The following LSP1 variants were observed in gnomAD, a reference collection of about 807,000 sequenced individuals.
The protein encoded by LSP1 is lymphocyte specific protein 1, also known as lymphocyte-specific protein 1.
In LSP1, 32 loss-of-function variants were observed where a neutral mutation model predicts 49.3. That is an observed-to-expected ratio of 0.65 (90% CI 0.49 to 0.87). The LOEUF (loss-of-function observed/expected upper bound fraction) is 0.87, where lower values mean the gene tolerates loss of function less well. Among genes scored for constraint, LSP1 ranks in the 40% least tolerant of loss-of-function variants. The pLI is 0.00. For synonymous variants in LSP1, 179 were observed against 178.8 expected (o/e 1.00, Z -0.01); for missense variants, 428 against 442.6 (o/e 0.97, Z 0.30).
At position 1,866,663 on chromosome 11, in the gene LSP1, A is replaced by T. The variant is rs1471227409; in HGVS notation, c.54-13424A>T. ...CTGGTCAGACCTCCCTCCCTGCCCAACGGGAATGTGTTTTCCCAGGGGACG... is the reference window on the plus strand; with the variant it reads ...CTGGTCAGACCTCCCTCCCTGCCCATCGGGAATGTGTTTTCCCAGGGGACG... On this transcript the variant is annotated intron_variant, in intron 1 of 10. Transcript: ENST00000311604. 2.5e-5 allele frequency: 39 copies of T among 1,550,424 alleles called. No homozygotes were observed. The South Asian group carries it at 3.8e-4, about 15-fold the overall frequency.
chr11:1,877,773 C>A (rs1486577867), intron 1 of LSP1, among the ~76,000 whole-genome samples: 2 of 152,336 alleles, frequency 1.3e-5, no homozygotes, highest in Middle Eastern at 3.4e-3. Flanking sequence ...GGAGCGTGGG[C>A]TCGTGGAGAA....
intron 10 of LSP1, chr11:1,889,003 G>T: frequency 1.8e-6 from 1 of 551,356 alleles, no homozygotes; most frequent in South Asian, 2.3e-5. Context: ...CACCCCATGT[G>T]CCCTTCCCAG....
At chr11:1,855,105 A>G (rs564816633) in intron 1 of LSP1, among the ~76,000 whole-genome samples, 1 of 152,240 alleles carries the variant, frequency 6.6e-6, no homozygotes, top group African/African-American at 2.4e-5. Flanking sequence ...CTCCTTGGAC[A>G]TCCCCTGCCC....
chr11:1,868,946 C>A (rs1174870450), intron 1 of LSP1: 2 of 985,974 alleles, frequency 2.0e-6, no homozygotes, highest in African/African-American at 1.7e-5. Flanking sequence ...GGGAGCATGG[C>A]CCCGGGGACT....
At chr11:1,880,954 C>A (rs1848511368) in intron 2 of LSP1, 1 of 158,838 alleles carries the variant, frequency 6.3e-6, no homozygotes, top group Non-Finnish European at 1.4e-5. Context: ...GAGCCACAGG[C>A]TGACGGGGGA....
At chr11:1,869,407 TGA>T (rs1303483148) in intron 1 of LSP1, among the ~76,000 whole-genome samples, 1 of 151,276 alleles carries the variant, frequency 6.6e-6, no homozygotes, top group African/African-American at 2.4e-5. Flanking sequence ...GGAAAAATGC[TGA>T]GAGGGAGGGA....
chr11:1,889,355 C>T lies in LSP1; in HGVS notation c.*13+1779C>T, dbSNP rs566135571. 9.4e-4 allele frequency: 672 copies of T among 712,654 alleles called. 5 individuals are homozygous for T. In the Middle Eastern group the frequency reaches 9.7e-3, roughly 10 times the overall value. 44.1% of individuals were successfully genotyped at this position (712,654 alleles called of 1,614,324 possible). ...CTGCCAGGCGCCCTTGGGCCTCCGC[C>T]ACTGACATGCGGTACAGCACGGCAT... On this transcript the variant is annotated intron_variant, in intron 10 of 10. Coordinates refer to ENST00000311604, the MANE Select transcript of LSP1 (RefSeq NM_002339.3).
At chr11:1,887,030 G>A (rs1173172828) in intron 8 of LSP1, among the ~76,000 whole-genome samples, 164 bp downstream of exon 8, 1 of 152,254 alleles carries the variant, frequency 6.6e-6, no homozygotes, top group Non-Finnish European at 1.5e-5. Flanking sequence ...CCTTGCTGGT[G>A]TAGAAGGCTG....
chr11:1,876,619 G>C lies in LSP1; in HGVS notation c.54-3468G>C, dbSNP rs1848321452. 3 of 985,440 alleles carry C rather than the reference G, an allele frequency of 3.0e-6. No homozygotes were observed. In the South Asian group the frequency reaches 1.4e-4, roughly 46 times the overall value. 61.0% of individuals were successfully genotyped at this position (985,440 alleles called of 1,614,324 possible). A position where few individuals can be genotyped will look rare whatever the true frequency, so the allele number is the denominator to read the frequency against. On this transcript the variant is annotated intron_variant, in intron 1 of 10. Coordinates refer to ENST00000311604, the MANE Select transcript of LSP1 (RefSeq NM_002339.3). Reference sequence around the variant, plus strand: ...GGGGACCGAGCCGGACACCCATTCTGCAAGTGTCTGCAGGGGGAGGACGGA... The same window carrying C: ...GGGGACCGAGCCGGACACCCATTCTCCAAGTGTCTGCAGGGGGAGGACGGA...
At chr11:1,867,020 G>A in intron 1 of LSP1, 1 of 1,151,116 alleles carries the variant, frequency 8.7e-7, no homozygotes, top group Non-Finnish European at 1.2e-6. Context: ...CCAGGCTCAG[G>A]GCCAGTCCCT....
At position 1,883,631 on chromosome 11, in the gene LSP1, C is replaced by A. The variant is rs532521432; in HGVS notation, c.498+71C>A. The A allele has an allele frequency of 2.0e-6, 3 of 1,524,782 alleles. No individual in the cohort carries two copies. In the South Asian group the frequency reaches 3.6e-5, roughly 19 times the overall value. The allele number at this position is 1,524,782 out of a possible 1,614,324, so 94.5% of individuals were successfully genotyped here. ...GATGAGTCTGCCTTGGCTGTCTGCA[C>A]CACTCTGTGGGCCCTGTGGGTCTAG... On this transcript the variant is annotated intron_variant, in intron 4 of 10. Coordinates refer to ENST00000311604, the MANE Select transcript of LSP1 (RefSeq NM_002339.3).
chr11:1,891,707 G>A (rs1281368257), intron 10 of LSP1, 66 bp from the exon 11 acceptor site: 5 of 152,720 alleles, frequency 3.3e-5, no homozygotes, highest in African/African-American at 9.7e-5. Flanking sequence ...GCTTGCAGGA[G>A]GCAGGTCTGT....
intron 1 of LSP1, among the ~76,000 whole-genome samples, chr11:1,864,497 A>C (rs1847725000): frequency 6.6e-6 from 1 of 151,790 alleles, no homozygotes. Context: ...GAGGGAGGGA[A>C]GGAGGCAGCC....
At chr11:1,879,617 C>T (rs543610456) in intron 1 of LSP1, among the ~76,000 whole-genome samples, 46 of 152,318 alleles carry the variant, frequency 3.0e-4, no homozygotes, top group South Asian at 6.2e-4. Flanking sequence ...AGGGAGCACC[C>T]GCAGGTGGGG....
At chr11:1,889,732 C>G in intron 10 of LSP1, 1 of 656,250 alleles carries the variant, frequency 1.5e-6, no homozygotes, top group Non-Finnish European at 2.8e-6. Context: ...CCCATGGGGA[C>G]CAGGCTGTGC....
intron 1 of LSP1, among the ~76,000 whole-genome samples, chr11:1,874,740 T>C (rs970737631): frequency 6.6e-6 from 1 of 152,080 alleles, no homozygotes; most frequent in Non-Finnish European, 1.5e-5. Context: ...CAGGGGAGGC[T>C]GCAGACGGAG....
intron 10 of LSP1, chr11:1,890,509 G>A (rs1030352710): frequency 1.4e-6 from 1 of 716,710 alleles, no homozygotes; most frequent in Non-Finnish European, 2.6e-6. Context: ...GGCAGCAGGG[G>A]CGGTGGGGGT....
intron 1 of LSP1, among the ~76,000 whole-genome samples, chr11:1,873,434 G>T (rs1453284153): frequency 1.4e-5 from 2 of 144,394 alleles, no homozygotes; most frequent in African/African-American, 5.0e-5. Context: ...GGGCAGGGAG[G>T]AGATCTCACT....
At chr11:1,854,041 C>T (rs1197769638) in intron 1 of LSP1, among the ~76,000 whole-genome samples, 3 of 152,142 alleles carry the variant, frequency 2.0e-5, no homozygotes, top group African/African-American at 7.2e-5. Flanking sequence ...CAGGGGAACC[C>T]GAGTTGCCCC....
Sources: allele counts gnomAD v4.1 joint callset (sites outside exome capture counted in the v4.1 genomes callset), GRCh38; gene constraint gnomAD v4.1.1; transcripts MANE v1.5; gene names NCBI Gene and HGNC (gene_info 2026-07-23, HGNC 2026-07-21).